Variants in DNAH17 observed in about 807,000 individuals in gnomAD.
DNAH17 encodes axonemal beta dynein heavy chain 17.
A neutral mutation model predicts 485.6 loss-of-function variants in DNAH17; 376 were observed. That is an observed-to-expected ratio of 0.77 (90% CI 0.71 to 0.84). The LOEUF (loss-of-function observed/expected upper bound fraction) is 0.84. Ranked by LOEUF, DNAH17 falls within the 40% of genes least tolerant of loss-of-function variation. The probability of loss-of-function intolerance (pLI) is 0.00; values close to 1 mark genes in which losing one functional copy is unlikely to be tolerated. For missense variants in DNAH17, 6,370 were observed against 5,839.3 expected (o/e 1.09, Z -2.96); for synonymous variants, 3,031 against 2,405.9 (o/e 1.26, Z -7.60).
intron 11 of DNAH17, among the ~76,000 whole-genome samples, chr17:78,563,476 A>G (rs1237934566): frequency 6.7e-6 from 1 of 148,724 alleles, no homozygotes; most frequent in Non-Finnish European, 1.5e-5. Context: ...AAGTCAGAAA[A>G]ATAGAAAAAA....
At chr17:78,466,586 A>C in intron 56 of DNAH17, 69 bp downstream of exon 56, 2 of 1,442,854 alleles carry the variant, frequency 1.4e-6, no homozygotes. Flanking sequence ...TCTCCCAGGG[A>C]GCCAGCCCTT....
intron 75 of DNAH17, among the ~76,000 whole-genome samples, chr17:78,433,728 G>A (rs1313942691): frequency 6.6e-6 from 1 of 152,020 alleles, no homozygotes; most frequent in East Asian, 1.9e-4. Flanking sequence ...GGCAGGTGGC[G>A]TGGAGTGTGC....
At chr17:78,530,971 T>G (rs905828236) in intron 20 of DNAH17, among the ~76,000 whole-genome samples, 3 of 152,228 alleles carry the variant, frequency 2.0e-5, no homozygotes, top group African/African-American at 7.2e-5. Flanking sequence ...GGAACAGAGC[T>G]AGAGGTTTGT....
chr17:78,530,657 G>A, intron 20 of DNAH17, 145 bp from the exon 21 acceptor site: 1 of 928,596 alleles, frequency 1.1e-6, no homozygotes, highest in Non-Finnish European at 1.6e-6. Flanking sequence ...GCAAAGGGCA[G>A]TACGGGACAC....
intron 27 of DNAH17, among the ~76,000 whole-genome samples, chr17:78,509,619 G>A (rs2090577779): frequency 6.6e-6 from 1 of 152,160 alleles, no homozygotes; most frequent in African/African-American, 2.4e-5. Context: ...CGCAAAAGGA[G>A]TTTTCCTGGA....
intron 80 of DNAH17, chr17:78,424,906 C>T (rs949371862): frequency 2.5e-5 from 4 of 160,410 alleles, no homozygotes; most frequent in South Asian, 1.7e-4. Flanking sequence ...TCCCTTGAAC[C>T]CTGTGTTCCA....
chr17:78,526,489 C>T (rs1287393836), intron 24 of DNAH17, 162 bp downstream of exon 24: 6 of 592,012 alleles, frequency 1.0e-5, no homozygotes, highest in Non-Finnish European at 1.8e-5. Context: ...TGCATGTGCT[C>T]GCACACGTAT....
Position 78,485,743 on chromosome 17 carries a change from G to A in DNAH17, c.7290C>T (p.His2430=). Residue 2430 remains histidine, a synonymous_variant, in exon 47 of 81, where the codon CAC becomes CAT. Coordinates refer to ENST00000389840, the MANE Select transcript of DNAH17 (RefSeq NM_173628.4). ...AGCGGATGCGGATGGTTTCCGTGGT[G>A]TGGACCAAAGAGGCCTGGGGCAGGG... ...PDVPLQASLV[H]TTETIRIRYF... is the part of the protein sequence containing the mutation. 5.6e-6 allele frequency: 9 copies of A among 1,613,892 alleles called. No homozygotes were observed. The highest frequency in any genetic ancestry group is 7.6e-6 in the Non-Finnish European group (9 of 1,179,860).
intron 54 of DNAH17, among the ~76,000 whole-genome samples, chr17:78,473,628 C>T (rs760228996): frequency 2.1e-4 from 32 of 151,500 alleles, no homozygotes; most frequent in Non-Finnish European, 4.1e-4. Flanking sequence ...TTCCACAGCC[C>T]AGATCACAGA....
At chr17:78,479,668 C>T (rs1315706084) in intron 49 of DNAH17, 36 bp from the exon 50 acceptor site, 2 of 1,608,142 alleles carry the variant, frequency 1.2e-6, no homozygotes, top group South Asian at 1.1e-5. Flanking sequence ...AGTCAGCCAG[C>T]TCTTGGGGAC....
At chr17:78,550,169 C>T (rs1236306553) in intron 16 of DNAH17, among the ~76,000 whole-genome samples, 14 of 152,360 alleles carry the variant, frequency 9.2e-5, no homozygotes, top group Non-Finnish European at 2.1e-4. Flanking sequence ...GCTGGCGAGA[C>T]AACGCCATCA....
In DNAH17 at chr17:78,555,543, C is replaced by CAAAAAAAAAAAAAAAA. The variant is rs765954549; in HGVS notation, c.2178+2549_2178+2564dup. On this transcript the variant is annotated intron_variant, in intron 14 of 80. Coordinates refer to ENST00000389840, the MANE Select transcript of DNAH17 (RefSeq NM_173628.4). ...CGGGGAGAGGAGCAAGATTCCGTCA[C>CAAAAAAAAAAAAAAAA]AAAAAAAAAAAAAAAAAAAAAAAGA... is the stretch of plus-strand genomic sequence containing the variant. 3.9e-5 allele frequency among the ~76,000 whole-genome samples: 3 copies of CAAAAAAAAAAAAAAAA among 77,692 alleles called. 1 individual carries two copies. The highest frequency in any genetic ancestry group is 1.7e-4 in the African/African-American group (3 of 17,812). The allele number at this position is 77,692 out of a possible 152,430, so 51.0% of individuals were successfully genotyped here. A position where few individuals can be genotyped will look rare whatever the true frequency, so the allele number is the denominator to read the frequency against.
At position 78,502,605 on chromosome 17, in the gene DNAH17, A is replaced by C; in HGVS notation, c.5176T>G (p.Tyr1726Asp). 6.2e-7 allele frequency: 1 copy of C among 1,612,272 alleles called. No homozygotes were observed. Among genetic ancestry groups the C allele is most frequent in the East Asian group, 2.2e-5 (1 of 44,856 alleles). Residue 1726 changes from tyrosine to aspartate, a missense_variant, in exon 33 of 81, where the codon TAT (tyrosine) becomes GAT (aspartate). Physicochemically the swap from Tyr to Asp is radical, Grantham distance 160. Transcript: ENST00000389840. Reference sequence around the variant, plus strand: ...TAGTAACACACCTGCTTTTTGTTATAATCTCTGATAGCGTTTTCATAGCCT... The same window carrying C: ...TAGTAACACACCTGCTTTTTGTTATCATCTCTGATAGCGTTTTCATAGCCT... ...EEGYENAIRDYNKKQISQLNV... is the reference protein window; with the variant it reads ...EEGYENAIRDDNKKQISQLNV...
chr17:78,525,749 G>A (rs2091051598), intron 24 of DNAH17, among the ~76,000 whole-genome samples: 2 of 152,242 alleles, frequency 1.3e-5, no homozygotes, highest in South Asian at 2.1e-4. Flanking sequence ...GGATGGGCAT[G>A]GGGCACCCCT....
chr17:78,467,874 C>T (rs987595418), intron 55 of DNAH17, among the ~76,000 whole-genome samples: 1 of 152,024 alleles, frequency 6.6e-6, no homozygotes, highest in African/African-American at 2.4e-5. Flanking sequence ...AAAATTTAGC[C>T]AGGTGTGGTG....
At chr17:78,530,560 G>C (rs183585983) in intron 20 of DNAH17, 48 bp from the exon 21 acceptor site, 11 of 1,564,272 alleles carry the variant, frequency 7.0e-6, no homozygotes, top group Admixed American at 1.7e-5. Context: ...CAAGCCTAGG[G>C]GGGGCGTCAG....
At chr17:78,531,208 A>T (rs568441601) in intron 20 of DNAH17, among the ~76,000 whole-genome samples, 17 of 151,996 alleles carry the variant, frequency 1.1e-4, no homozygotes, top group Admixed American at 7.2e-4. Flanking sequence ...TTTGCTTTAT[A>T]TATCTGGGTG....
At chr17:78,562,103 A>G in intron 11 of DNAH17, 123 bp from the exon 12 acceptor site, 3 of 1,205,878 alleles carry the variant, frequency 2.5e-6, no homozygotes, top group South Asian at 3.5e-5. Context: ...TTGCCAAAAC[A>G]AAACAATCCA....
At chr17:78,546,514 A>G (rs990027466) in intron 16 of DNAH17, among the ~76,000 whole-genome samples, 1 of 152,136 alleles carries the variant, frequency 6.6e-6, no homozygotes, top group African/African-American at 2.4e-5. Flanking sequence ...TTGCTTTTAT[A>G]TTCTTTACTG....
Sources: allele counts gnomAD v4.1 joint callset (sites outside exome capture counted in the v4.1 genomes callset), GRCh38; gene constraint gnomAD v4.1.1; transcripts MANE v1.5; gene names NCBI Gene and HGNC (gene_info 2026-07-23, HGNC 2026-07-21).